OGFR: variants seen among roughly 807,000 people sequenced by gnomAD.
OGFR encodes protein 7-60.
A neutral mutation model predicts 33.6 loss-of-function variants in OGFR; 18 were observed. The observed-to-expected ratio is 0.54, with a 90% CI of 0.37 to 0.80. OGFR has a LOEUF of 0.80. Ranked by LOEUF, OGFR falls within the 30% of genes least tolerant of loss-of-function variation. OGFR has a pLI of 0.00. For missense variants in OGFR, 877 were observed against 955.8 expected (o/e 0.92, Z 1.09); for synonymous variants, 370 against 400.7 (o/e 0.92, Z 0.91).
intron 1 of OGFR, chr20:62,806,540 G>A (rs900170680): frequency 6.6e-6 from 1 of 151,894 alleles, no homozygotes; most frequent in African/African-American, 2.4e-5. Context: ...CCTGGGAGGT[G>A]GAGATTGCAT....
At chr20:62,809,068 G>A (rs1450606392) in intron 3 of OGFR, among the ~76,000 whole-genome samples, 1 of 151,858 alleles carries the variant, frequency 6.6e-6, no homozygotes, top group African/African-American at 2.4e-5. Flanking sequence ...AAGCTTCACG[G>A]GCACGTGCCC....
chr20:62,808,817 CA>C (rs980726080), intron 3 of OGFR, among the ~76,000 whole-genome samples: 1 of 151,060 alleles, frequency 6.6e-6, no homozygotes, highest in African/African-American at 2.4e-5. Flanking sequence ...ACTAAAAATA[CA>C]AAAAAAATTA....
Position 62,811,624 on chromosome 20 carries a change from G to GCGGGCCCCCCCCCCCCCCCCC in OGFR, c.614+15_614+16insGGGCCCCCCCCCCCCCCCCCC. The GCGGGCCCCCCCCCCCCCCCCC allele has an allele frequency of 6.4e-7, 1 of 1,551,508 alleles. No individual in the cohort carries two copies. The highest frequency in any genetic ancestry group is 2.4e-5 in the East Asian group (1 of 41,640). ...GAACCTGAACTGGTGAGGCCCGGCT[G>GCGGGCCCCCCCCCCCCCCCCC]CTCCCGCCCACCCCCACCCCGGCGC... On this transcript the variant is annotated intron_variant, in intron 6 of 6. Transcript: ENST00000290291.
chr20:62,808,179 G>C, intron 2 of OGFR, 68 bp from the exon 3 acceptor site: 2 of 1,255,890 alleles, frequency 1.6e-6, no homozygotes, highest in Non-Finnish European at 2.3e-6. Context: ...CTCCCCGAAA[G>C]ACACGGAGGG....
chr20:62,812,288 C>G lies in OGFR; in HGVS notation c.673C>G (p.Leu225Val), dbSNP rs1230171891. The G allele has an allele frequency of 6.5e-7, 1 of 1,541,924 alleles. No individual in the cohort carries two copies. The highest frequency in any genetic ancestry group is 2.1e-5 in the Admixed American group (1 of 48,210). ...RILKSLGELG[L>V]EHFQAPLVRF... ...CCTCAAGTCGCTGGGTGAGCTGGGC[C>G]TCGAGCACTTCCAGGCGCCGCTGGT... Residue 225 changes from leucine (L) to valine (V), a missense_variant, in exon 7 of 7, where the codon CTC (leucine) becomes GTC (valine). Leu to Val is a conservative substitution (Grantham distance 32). This residue lies in a region of OGFR where 760 missense variants were observed against 736.0 expected (regional missense o/e 1.03). Coordinates refer to ENST00000290291, the MANE Select transcript of OGFR (RefSeq NM_007346.4).
chr20:62,812,890 G>C lies in OGFR; in HGVS notation c.1275G>C (p.Arg425Ser), dbSNP rs760634031. The C allele has an allele frequency of 7.4e-6, 12 of 1,612,452 alleles. No individual in the cohort carries two copies. The highest frequency in any genetic ancestry group is 9.3e-6 in the Non-Finnish European group (11 of 1,179,940). ...GTGCCCTCAGCCAGGGCAGCCTCAG[G>C]ACGGGGACCCAGGAAGTGGGCGGTC... ...EGCALSQGSL[R>S]TGTQEVGGQD... The change falls in exon 7 of 7, where the codon AGG becomes AGC. Residue 425 changes from arginine (R) to serine (S), a missense_variant. By Grantham distance (110) the Arg-to-Ser change is moderately radical (BLOSUM62 -1). Coordinates refer to ENST00000290291, the MANE Select transcript of OGFR (RefSeq NM_007346.4).
Position 62,813,720 on chromosome 20 carries a change from G to C in OGFR, c.*71G>C. ...AGGGGCTGGGGCCTCCGGAGCTGCT[G>C]CGGGCTCCCCTCAGGCTCTGCTTCG... is the stretch of plus-strand genomic sequence containing the variant. On this transcript the variant is annotated 3_prime_UTR_variant, in exon 7 of 7. Coordinates refer to ENST00000290291, the MANE Select transcript of OGFR (RefSeq NM_007346.4). The C allele has an allele frequency of 6.4e-7, 1 of 1,556,832 alleles. No individual in the cohort carries two copies. The highest frequency in any genetic ancestry group is 8.8e-7 in the Non-Finnish European group (1 of 1,132,294).
In OGFR at chr20:62,812,649, C is replaced by G. The variant is rs766361056; in HGVS notation, c.1034C>G (p.Pro345Arg). ...GGTGGGGGCAGGGTGGACGAGGGGC[C>G]CCAGCCACGGAGCGTGGAGCCCCAG... ...SKGGGRVDEG[P>R]QPRSVEPQDA... The change falls in exon 7 of 7, where the codon CCC becomes CGC. Residue 345 changes from proline to arginine, a missense_variant. By Grantham distance (103) the Pro-to-Arg change is moderately radical. Coordinates refer to ENST00000290291, the MANE Select transcript of OGFR (RefSeq NM_007346.4). The G allele has an allele frequency of 6.4e-7, 1 of 1,562,014 alleles. No homozygotes were observed. The highest frequency in any genetic ancestry group is 1.9e-5 in the Admixed American group (1 of 51,588).
At chr20:62,811,351 C>T in intron 5 of OGFR, 111 bp from the exon 6 acceptor site, 7 of 1,160,390 alleles carry the variant, frequency 6.0e-6, no homozygotes, top group South Asian at 4.1e-5. Context: ...GTCTGTCTGT[C>T]TGTCTGTCTA....
Position 62,812,800 on chromosome 20 carries a change from G to T in OGFR, c.1185G>T (p.Pro395=), listed in dbSNP as rs774076996. 6.2e-7 allele frequency: 1 copy of T among 1,612,498 alleles called. No homozygotes were observed. Among genetic ancestry groups the T allele is most frequent in the Non-Finnish European group, 8.5e-7 (1 of 1,179,862 alleles). The change falls in exon 7 of 7, where the codon CCG becomes CCT. Residue 395 remains proline (P), a synonymous_variant. Coordinates refer to ENST00000290291, the MANE Select transcript of OGFR (RefSeq NM_007346.4). ...RKLELSRREQ[P]PTEPGPQSAS... ...TGGAGCTGAGCCGGCGGGAGCAGCC[G>T]CCCACAGAGCCAGGCCCTCAGAGTG... is the stretch of plus-strand genomic sequence containing the variant.
At position 62,811,626 on chromosome 20, in the gene OGFR, T is replaced by TCCCC; in HGVS notation, c.614+19_614+20insCCCC. 1 of 1,502,550 alleles carries TCCCC rather than the reference T, an allele frequency of 6.7e-7. No individual in the cohort carries two copies. Among genetic ancestry groups the TCCCC allele is most frequent in the Non-Finnish European group, 9.0e-7 (1 of 1,110,138 alleles). 93.1% of individuals were successfully genotyped at this position (1,502,550 alleles called of 1,614,324 possible). ...ACCTGAACTGGTGAGGCCCGGCTGC[T>TCCCC]CCCGCCCACCCCCACCCCGGCGCAG... On this transcript the variant is annotated intron_variant, in intron 6 of 6. Transcript: ENST00000290291.
chr20:62,807,583 G>A lies in OGFR; in HGVS notation c.218G>A (p.Cys73Tyr). The change falls in exon 2 of 7, where the codon TGT becomes TAT. Residue 73 changes from cysteine to tyrosine, a missense_variant. Around this residue, in one of 3 missense-constraint regions of OGFR, gnomAD observed 760 missense variants for 736.0 expected, o/e 1.03. Coordinates refer to ENST00000290291, the MANE Select transcript of OGFR (RefSeq NM_007346.4). ...SRNWRATRDM[C>Y]RYRHNYPDLV... ...AACTGGCGAGCCACGAGGGACATGT[G>A]TAGGTATCGGCACAACTATCCGGTA... The A allele has an allele frequency of 1.9e-6, 3 of 1,613,126 alleles. No homozygotes were observed. Among genetic ancestry groups the A allele is most frequent in the South Asian group, 1.1e-5 (1 of 90,948 alleles).
chr20:62,813,709 C>T lies in OGFR; in HGVS notation c.*60C>T. 3 of 1,584,384 alleles carry T rather than the reference C, an allele frequency of 1.9e-6. No individual in the cohort carries two copies. The highest frequency in any genetic ancestry group is 2.6e-6 in the Non-Finnish European group (3 of 1,156,402). Reference sequence around the variant, plus strand: ...GTCCCTGCTGCAGGGGCTGGGGCCTCCGGAGCTGCTGCGGGCTCCCCTCAG... The same window carrying T: ...GTCCCTGCTGCAGGGGCTGGGGCCTTCGGAGCTGCTGCGGGCTCCCCTCAG... On this transcript the variant is annotated 3_prime_UTR_variant, in exon 7 of 7. Transcript: ENST00000290291.
Position 62,813,605 on chromosome 20 carries a change from C to T in OGFR, c.1990C>T (p.Gln664Ter). ...CAAGGCGGGGGAGGCAGCAGAGTTG[C>T]AGGACGCAGAGGTGGAGTCTTCTGC... Reference protein sequence around the residue: ...PAKAGEAAELQDAEVESSAKS... With the variant: ...PAKAGEAAEL The change falls in exon 7 of 7, where the codon CAG (glutamine) becomes TAG (stop). Residue 664 changes from glutamine to a stop codon, truncating the protein, a stop_gained. Transcript: ENST00000290291. LOFTEE classifies it low-confidence loss of function (END_TRUNC). 2 of 1,612,844 alleles carry T rather than the reference C, an allele frequency of 1.2e-6. No homozygotes were observed. Among genetic ancestry groups the T allele is most frequent in the Non-Finnish European group, 8.5e-7 (1 of 1,179,948 alleles).
At chr20:62,811,727 T>C in intron 6 of OGFR, 117 bp downstream of exon 6, 14 of 1,202,372 alleles carry the variant, frequency 1.2e-5, no homozygotes, top group South Asian at 3.1e-5. Flanking sequence ...GTTTGGGCAA[T>C]GGACCAAGGC....
At position 62,811,452 on chromosome 20, in the gene OGFR, T is replaced by A. The variant is rs1301637720; in HGVS notation, c.466-10T>A. On this transcript the variant is annotated splice_polypyrimidine_tract_variant and intron_variant, in intron 5 of 6. Coordinates refer to ENST00000290291, the MANE Select transcript of OGFR (RefSeq NM_007346.4). ...ATGGTGCCTGAGCTCTCCAAGGGGG[T>A]CTTTTCCAGGTGTTTAAAAGCTCCC... is the stretch of plus-strand genomic sequence containing the variant. The A allele has an allele frequency of 6.2e-7, 1 of 1,609,038 alleles. No individual in the cohort carries two copies. Among genetic ancestry groups the A allele is most frequent in the South Asian group, 1.1e-5 (1 of 90,190 alleles).
chr20:62,811,342 T>C (rs1243654792), intron 5 of OGFR, 120 bp from the exon 6 acceptor site: 3 of 950,210 alleles, frequency 3.2e-6, no homozygotes, highest in Non-Finnish European at 4.7e-6. Context: ...TAAATAAATG[T>C]CTGTCTGTCT....
intron 1 of OGFR, chr20:62,805,355 C>T (rs538407709): frequency 5.9e-6 from 1 of 169,964 alleles, no homozygotes; most frequent in South Asian, 1.7e-4. Flanking sequence ...CGGGCCCGCG[C>T]CTCGGCCTCC....
intron 3 of OGFR, 147 bp from the exon 4 acceptor site, chr20:62,809,438 C>T (rs1990674031): frequency 1.6e-6 from 1 of 643,548 alleles, no homozygotes; most frequent in South Asian, 1.7e-5. Flanking sequence ...AGCCTAGCAC[C>T]CTGAAGAGCC....
Sources: gnomAD v4.1 joint callset for allele counts (sites outside exome capture counted in the v4.1 genomes callset) on GRCh38, gnomAD v4.1.1 for gene constraint, gnomAD v4.1.1 regional missense constraint, MANE v1.5 for transcripts, NCBI Gene and HGNC (gene_info 2026-07-23, HGNC 2026-07-21) for gene names.